DYNC2H1: variants seen among roughly 807,000 people sequenced by gnomAD.
DYNC2H1 encodes dynein cytoplasmic 2 heavy chain 1.
A neutral mutation model predicts 570.0 loss-of-function variants in DYNC2H1; 410 were observed. The ratio of observed to expected loss-of-function variants is 0.72; its 90% CI spans 0.66 to 0.78. The LOEUF (loss-of-function observed/expected upper bound fraction) is 0.78. Ranked by LOEUF, DYNC2H1 falls within the 30% of genes least tolerant of loss-of-function variation. The probability of loss-of-function intolerance (pLI) is 0.00; values close to 1 mark genes in which losing one functional copy is unlikely to be tolerated. For synonymous variants in DYNC2H1, 1,688 were observed against 1,677.6 expected, an observed-to-expected ratio of 1.01 and a Z score of -0.15; for missense variants, 4,865 against 5,046.4, an observed-to-expected ratio of 0.96 and a Z score of 1.09.
At chr11:103,456,482 T>A (rs750629277) in intron 87 of DYNC2H1, 126 bp downstream of exon 87, 1 of 602,846 alleles carries the variant, frequency 1.7e-6, no homozygotes, top group Non-Finnish European at 2.6e-6. Context: ...GATTGTATTA[T>A]CTATGTGAAA....
chr11:103,251,931 A>AT (rs1565432540), intron 65 of DYNC2H1, among the ~76,000 whole-genome samples: 1 of 151,218 alleles, frequency 6.6e-6, no homozygotes, highest in East Asian at 1.9e-4. Context: ...TTTTCCTTTC[A>AT]TTTTTTTAGA....
At chr11:103,309,168 A>AGTT (rs1867444070) in intron 78 of DYNC2H1, among the ~76,000 whole-genome samples, 1 of 54,620 alleles carries the variant, frequency 1.8e-5, no homozygotes, top group Non-Finnish European at 3.4e-5. Context: ...ACTGCATGCT[A>AGTT]TTTTTTTTTT....
chr11:103,109,488 C>A lies in DYNC2H1; in HGVS notation c.-87C>A. 7.5e-7 allele frequency: 1 copy of A among 1,339,682 alleles called. No homozygotes were observed. Among genetic ancestry groups the A allele is most frequent in the Non-Finnish European group, 1.0e-6 (1 of 977,384 alleles). 83.0% of individuals were successfully genotyped at this position (1,339,682 alleles called of 1,614,324 possible). A position where few individuals can be genotyped will look rare whatever the true frequency, so the allele number is the denominator to read the frequency against. ...CCCGCGGTCGGGCTACGGGTTTGAG[C>A]AAAGCTCCTCTCTTCCCTTCACTTC... is the stretch of plus-strand genomic sequence containing the variant. On this transcript the variant is annotated 5_prime_UTR_variant, in exon 1 of 89. Transcript: ENST00000375735.
At position 103,280,525 on chromosome 11, in the gene DYNC2H1, A is replaced by G. The variant is rs1219590942; in HGVS notation, c.10761+112A>G. On this transcript the variant is annotated intron_variant, in intron 71 of 88. Coordinates refer to ENST00000375735, the MANE Select transcript of DYNC2H1 (RefSeq NM_001377.3). The surrounding 1 kb of genome is among the most constrained non-coding windows in gnomAD (Gnocchi z 4.7). ...GCTAGAAATTATATATCAACCTATTAATCTTTTACTAAGTTAGAAATGTAG... is the reference window on the plus strand; with the variant it reads ...GCTAGAAATTATATATCAACCTATTGATCTTTTACTAAGTTAGAAATGTAG... The G allele has an allele frequency of 1.2e-5, 11 of 932,206 alleles. No individual in the cohort carries two copies. The highest frequency in any genetic ancestry group is 2.7e-5 in the East Asian group (1 of 37,592). 57.7% of individuals were successfully genotyped at this position (932,206 alleles called of 1,614,324 possible). A position where few individuals can be genotyped will look rare whatever the true frequency, so the allele number is the denominator to read the frequency against.
At chr11:103,255,872 C>T (rs1031186385) in intron 67 of DYNC2H1, among the ~76,000 whole-genome samples, 1 of 151,622 alleles carries the variant, frequency 6.6e-6, no homozygotes, top group Non-Finnish European at 1.5e-5. Flanking sequence ...AAAATTAATA[C>T]CTTGCTATGT....
At chr11:103,477,578 T>C (rs1945594839) in intron 88 of DYNC2H1, among the ~76,000 whole-genome samples, 1 of 152,122 alleles carries the variant, frequency 6.6e-6, no homozygotes, top group Non-Finnish European at 1.5e-5. Context: ...ACGCCTGTAA[T>C]CCCAGCACTT....
intron 63 of DYNC2H1, among the ~76,000 whole-genome samples, chr11:103,238,687 T>C (rs1422930876): frequency 6.6e-6 from 1 of 152,166 alleles, no homozygotes; most frequent in Non-Finnish European, 1.5e-5. Flanking sequence ...AAAACTATTC[T>C]TTTATTGGTC....
At chr11:103,308,099 A>G (rs1867385101) in intron 78 of DYNC2H1, among the ~76,000 whole-genome samples, 1 of 146,398 alleles carries the variant, frequency 6.8e-6, no homozygotes. Context: ...GTGTAGTGCA[A>G]TATGCACCTT....
chr11:103,288,684 TAAA>T (rs57040929), intron 75 of DYNC2H1, among the ~76,000 whole-genome samples: 3 of 27,902 alleles, frequency 1.1e-4, no homozygotes, highest in East Asian at 1.3e-3. Context: ...CCGTCTCTAC[TAAA>T]AAAAAAAAAA....
In DYNC2H1 at chr11:103,261,318, G is replaced by A. The variant is rs549296164; in HGVS notation, c.10695+1341G>A. On this transcript the variant is annotated intron_variant, in intron 70 of 88. Coordinates refer to ENST00000375735, the MANE Select transcript of DYNC2H1 (RefSeq NM_001377.3). This position sits in a 1 kb window ranked among gnomAD's most constrained non-coding sequence, Gnocchi z 4.8. ...ACCTGCTGGCTCTGAAGAGAGCATC[G>A]GATCTCCAACACAGAGCTTGAGCTC... 6.6e-6 allele frequency among the ~76,000 whole-genome samples: 1 copy of A among 152,276 alleles called. No homozygotes were observed. The highest frequency in any genetic ancestry group is 2.1e-4 in the South Asian group (1 of 4,830).
At position 103,177,819 on chromosome 11, in the gene DYNC2H1, A is replaced by G. The variant is rs775938072; in HGVS notation, c.6138A>G (p.Gln2046=). The change falls in exon 38 of 89, where the codon CAA becomes CAG. Residue 2046 remains glutamine (Q), a splice_region_variant and synonymous_variant. Transcript: ENST00000375735. The surrounding 1 kb of genome is among the most constrained non-coding windows in gnomAD (Gnocchi z 4.4). ...CTCGTCAAGTGGTTCGGGAACCTCA[A>G]GGTTAGTCTCTATGTATACTTCTTT... The part of the protein sequence containing the change: ...NSARQVVREP[Q]DVSSWIICDG... 4 of 1,608,314 alleles carry G rather than the reference A, an allele frequency of 2.5e-6. No individual in the cohort carries two copies. Among genetic ancestry groups the G allele is most frequent in the East Asian group, 2.2e-5 (1 of 44,722 alleles).
intron 60 of DYNC2H1, 115 bp downstream of exon 60, chr11:103,231,461 G>C (rs1342227666): frequency 1.8e-5 from 10 of 570,438 alleles, no homozygotes; most frequent in Non-Finnish European, 2.7e-5. Flanking sequence ...AGATGATGCT[G>C]TGGGACCCAG....
chr11:103,173,206 C>T lies in DYNC2H1; in HGVS notation c.5459C>T (p.Pro1820Leu), dbSNP rs1394356512. ...TTCAGGCCCGTAGCTATGTCTCATC[C>T]AGACAATGAGCTTATTGCAGAAGTT... The part of the protein sequence containing the change: ...QLFRPVAMSH[P>L]DNELIAEVIL... The change falls in exon 35 of 89, where the codon CCA becomes CTA. Residue 1820 changes from proline (P) to leucine (L), a missense_variant. By Grantham distance (98) the Pro-to-Leu change is moderately conservative (BLOSUM62 -3). Coordinates refer to ENST00000375735, the MANE Select transcript of DYNC2H1 (RefSeq NM_001377.3). 5.0e-6 allele frequency: 8 copies of T among 1,602,228 alleles called. No homozygotes were observed. Among genetic ancestry groups the T allele is most frequent in the Admixed American group, 1.7e-5 (1 of 58,566 alleles).
Position 103,299,211 on chromosome 11 carries a change from A to C in DYNC2H1, c.11096-3882A>C, listed in dbSNP as rs964035900. Among the ~76,000 whole-genome samples, 1 of 152,118 alleles carries C rather than the reference A, an allele frequency of 6.6e-6. No individual in the cohort carries two copies. Among genetic ancestry groups the C allele is most frequent in the African/African-American group, 2.4e-5 (1 of 41,422 alleles). ...AACTATGCATCTTTCCTAGTTTTAC[A>C]GTTCTGTACCTCTTATGGCATCATC... is the stretch of plus-strand genomic sequence containing the variant. On this transcript the variant is annotated intron_variant, in intron 75 of 88. Transcript: ENST00000375735. This position sits in a 1 kb window ranked among gnomAD's most constrained non-coding sequence, Gnocchi z 4.5.
chr11:103,284,884 C>T (rs1221386050), intron 73 of DYNC2H1, among the ~76,000 whole-genome samples: 2 of 152,076 alleles, frequency 1.3e-5, no homozygotes, highest in South Asian at 2.1e-4. Context: ...TGATCTTACA[C>T]CGCACTCTTG....
intron 70 of DYNC2H1, among the ~76,000 whole-genome samples, chr11:103,272,025 A>G (rs961494788): frequency 6.6e-6 from 1 of 152,224 alleles, no homozygotes; most frequent in Non-Finnish European, 1.5e-5. Context: ...CAATTCCTCA[A>G]GGATCTAGAA....
intron 47 of DYNC2H1, 101 bp from the exon 48 acceptor site, chr11:103,197,832 A>G (rs1862561089): frequency 3.1e-6 from 4 of 1,298,102 alleles, no homozygotes; most frequent in Non-Finnish European, 4.2e-6. Context: ...AGATGATCTT[A>G]TTTGGATTAT....
At chr11:103,219,405 A>G (rs1363186018) in intron 55 of DYNC2H1, among the ~76,000 whole-genome samples, 1 of 152,188 alleles carries the variant, frequency 6.6e-6, no homozygotes, top group Non-Finnish European at 1.5e-5. Flanking sequence ...CAAGGTCAGG[A>G]GTTTGAGACC....
chr11:103,214,443 C>CTTTTTTTTTTTT (rs1555071078), intron 54 of DYNC2H1, among the ~76,000 whole-genome samples: 1 of 51,994 alleles, frequency 1.9e-5, no homozygotes, highest in Non-Finnish European at 3.5e-5. Flanking sequence ...AGTACTTCTT[C>CTTTTTTTTTTTT]TTCTTTTTTT....
Sources: gnomAD v4.1 joint callset for allele counts (sites outside exome capture counted in the v4.1 genomes callset) on GRCh38, gnomAD v4.1.1 for gene constraint, Gnocchi (gnomAD v3.1) non-coding constraint, MANE v1.5 for transcripts, NCBI Gene and HGNC (gene_info 2026-07-23, HGNC 2026-07-21) for gene names.